The following PLCG2 variants were observed in gnomAD, a reference collection of about 807,000 sequenced individuals.
PLCG2 encodes 1-phosphatidylinositol 4,5-bisphosphate phosphodiesterase gamma-2.
A neutral mutation model predicts 175.6 loss-of-function variants in PLCG2; 69 were observed. The observed-to-expected ratio is 0.39, with a 90% CI of 0.32 to 0.48. The LOEUF is 0.48. Among genes scored for constraint, PLCG2 ranks in the 20% least tolerant of loss-of-function variants. The probability of loss-of-function intolerance (pLI) is 0.91; values close to 1 mark genes in which losing one functional copy is unlikely to be tolerated. For missense variants in PLCG2, 1,798 were observed against 1,650.9 expected, an observed-to-expected ratio of 1.09 and a Z score of -1.54; for synonymous variants, 827 against 624.0, an observed-to-expected ratio of 1.33 and a Z score of -4.85.
At chr16:81,931,417 A>G in intron 24 of PLCG2, 80 bp from the exon 25 acceptor site, 2 of 1,420,936 alleles carry the variant, frequency 1.4e-6, no homozygotes, top group Non-Finnish European at 1.9e-6. Context: ...CATGAGAGAA[A>G]CAGCTCAGGC....
At chr16:81,758,980 C>T (rs908219887) in intron 2 of PLCG2, among the ~76,000 whole-genome samples, 3 of 152,162 alleles carry the variant, frequency 2.0e-5, no homozygotes, top group Non-Finnish European at 2.9e-5. Context: ...ACCCGGCTAT[C>T]GTCCATCTTT....
At chr16:81,830,447 T>C (rs1905214682) in intron 2 of PLCG2, among the ~76,000 whole-genome samples, 1 of 152,058 alleles carries the variant, frequency 6.6e-6, no homozygotes, top group Non-Finnish European at 1.5e-5. Context: ...GCTGGGATTA[T>C]AGGCGCATGC....
chr16:81,829,854 A>C (rs1734597672), intron 2 of PLCG2, among the ~76,000 whole-genome samples: 1 of 149,270 alleles, frequency 6.7e-6, no homozygotes, highest in Non-Finnish European at 1.5e-5. Context: ...TGGGGAAGGA[A>C]CCTCTGAGTG....
At chr16:81,925,594 T>C (rs1323427394) in intron 22 of PLCG2, among the ~76,000 whole-genome samples, 1 of 152,120 alleles carries the variant, frequency 6.6e-6, no homozygotes, top group African/African-American at 2.4e-5. Context: ...TTGATTAAGA[T>C]CCAGAAAGGT....
At chr16:81,795,968 G>T (rs555591310) in intron 2 of PLCG2, among the ~76,000 whole-genome samples, 2 of 152,318 alleles carry the variant, frequency 1.3e-5, no homozygotes, top group East Asian at 3.9e-4. Context: ...CTAAGTTGGG[G>T]GGCATCCTTC....
At chr16:81,825,299 T>TTGTTTTG (rs1555509896) in intron 2 of PLCG2, among the ~76,000 whole-genome samples, 6 of 147,398 alleles carry the variant, frequency 4.1e-5, no homozygotes, top group Non-Finnish European at 7.5e-5. Context: ...TTTTTTTTTT[T>TTGTTTTG]TTTTTTTGAG....
chr16:81,773,602 C>A (rs948701364), intron 2 of PLCG2, among the ~76,000 whole-genome samples: 3 of 152,128 alleles, frequency 2.0e-5, no homozygotes, highest in Non-Finnish European at 4.4e-5. Flanking sequence ...TGGGGCCTGG[C>A]AAATGCCTGG....
chr16:81,855,881 T>C (rs989122959), intron 3 of PLCG2, among the ~76,000 whole-genome samples: 4 of 152,054 alleles, frequency 2.6e-5, no homozygotes, highest in Non-Finnish European at 2.9e-5. Context: ...ACTGATGATA[T>C]GGAGGGGGAG....
At chr16:81,757,345 GA>G (rs551960804) in intron 2 of PLCG2, among the ~76,000 whole-genome samples, 1 of 151,752 alleles carries the variant, frequency 6.6e-6, no homozygotes, top group Non-Finnish European at 1.5e-5. Flanking sequence ...AAGCCTCATA[GA>G]AAAAAAAGCT....
upstream of PLCG2, chr16:81,779,286 G>C (rs1462926994): frequency 2.7e-5 from 4 of 150,568 alleles, no homozygotes; most frequent in South Asian, 2.0e-4. Context: ...CGCCGCGGCC[G>C]AAGCAGAAGT....
At chr16:81,821,183 G>A (rs890534566) in intron 2 of PLCG2, among the ~76,000 whole-genome samples, 1 of 152,206 alleles carries the variant, frequency 6.6e-6, no homozygotes, top group Admixed American at 6.5e-5. Context: ...TGCGTGAGCC[G>A]CCGTGCCTGG....
intron 26 of PLCG2, 52 bp downstream of exon 26, chr16:81,934,583 C>T: frequency 9.4e-7 from 1 of 1,059,296 alleles, no homozygotes; most frequent in Non-Finnish European, 1.5e-6. Context: ...AACTTAACTT[C>T]CTTTAGAGTC....
chr16:81,893,782 C>T lies in PLCG2; in HGVS notation c.1060C>T (p.Arg354Cys), dbSNP rs963539597. Residue 354 changes from arginine to cysteine, a missense_variant, in exon 12 of 33, where the codon CGC becomes TGC. By Grantham distance (180) the Arg-to-Cys change is radical. Transcript: ENST00000564138. ...AYIRCLRMGC[R>C]CIELDCWDGP... ...CATCCGCTGCCTGCGCATGGGCTGT[C>T]GCTGCATTGAACGTGAGTAGCTCCT... 4 of 1,609,552 alleles carry T rather than the reference C, an allele frequency of 2.5e-6. No individual in the cohort carries two copies. Among genetic ancestry groups the T allele is most frequent in the Non-Finnish European group, 2.5e-6 (3 of 1,176,734 alleles).
intron 5 of PLCG2, among the ~76,000 whole-genome samples, chr16:81,861,975 C>G (rs1324349335): frequency 6.6e-6 from 1 of 152,214 alleles, no homozygotes; most frequent in Non-Finnish European, 1.5e-5. Flanking sequence ...TTCCTCTCCT[C>G]TACCTCCCTC....
At chr16:81,808,545 G>C (rs993930982) in intron 2 of PLCG2, among the ~76,000 whole-genome samples, 5 of 152,086 alleles carry the variant, frequency 3.3e-5, no homozygotes, top group Non-Finnish European at 5.9e-5. Flanking sequence ...CCAGGCTGGA[G>C]TGCGGTGGCA....
chr16:81,795,845 A>T (rs920853347), intron 2 of PLCG2, among the ~76,000 whole-genome samples: 1 of 152,226 alleles, frequency 6.6e-6, no homozygotes, highest in South Asian at 2.1e-4. Flanking sequence ...GATCACAGGC[A>T]TGGGCCACTG....
At chr16:81,821,315 T>G (rs62044135) in intron 2 of PLCG2, among the ~76,000 whole-genome samples, 57,268 of 152,200 alleles carry the variant, frequency 0.38, 11,221 homozygotes, top group Non-Finnish European at 0.43. Context: ...GATTGTTGTC[T>G]CTTGCTGTGT....
chr16:81,741,543 C>G (rs943029908), intron 1 of PLCG2, among the ~76,000 whole-genome samples: 10 of 152,198 alleles, frequency 6.6e-5, no homozygotes, highest in African/African-American at 2.2e-4. Flanking sequence ...GACGTGGTGG[C>G]TCACACCTTT....
intron 1 of PLCG2, among the ~76,000 whole-genome samples, chr16:81,747,333 G>C (rs1909725142): frequency 6.6e-6 from 1 of 152,148 alleles, no homozygotes; most frequent in South Asian, 2.1e-4. Flanking sequence ...TTAGGTGTTT[G>C]AGACCAGCCT....
Sources: gnomAD v4.1 joint callset for allele counts (sites outside exome capture counted in the v4.1 genomes callset) on GRCh38, gnomAD v4.1.1 for gene constraint, MANE v1.5 for transcripts, NCBI Gene and HGNC (gene_info 2026-07-23, HGNC 2026-07-21) for gene names.